The following PRMT3 variants were observed in gnomAD, a reference collection of about 807,000 sequenced individuals.
PRMT3 encodes the protein protein arginine methyltransferase 3.
Under a neutral mutation model 71.9 loss-of-function variants are expected in PRMT3, and 62 were observed. The observed-to-expected ratio is 0.86, with a 90% CI of 0.70 to 1.07. The LOEUF is 1.07. PRMT3 is among the 50% of genes least tolerant of loss of function. The pLI is 0.00. For synonymous variants in PRMT3, 213 were observed against 220.4 expected (o/e 0.97, Z 0.30); for missense variants, 663 against 643.0 (o/e 1.03, Z -0.34).
chr11:20,387,782 C>T lies in PRMT3; in HGVS notation c.28+8C>T, dbSNP rs921172251. ...TAGCGTCAGGCGCTACCGGTGGGTA[C>T]CCTGGCCCCTCAGCACCCGGCTCGT... On this transcript the variant is annotated splice_region_variant and intron_variant, in intron 1 of 15. Transcript: ENST00000331079. This position sits in a 1 kb window ranked among gnomAD's most constrained non-coding sequence, Gnocchi z 4.3. The T allele has an allele frequency of 3.9e-6, 6 of 1,541,928 alleles. No homozygotes were observed. The highest frequency in any genetic ancestry group is 5.2e-6 in the Non-Finnish European group (6 of 1,146,286).
At chr11:20,450,474 ATAATAT>A (rs1373749391) in intron 10 of PRMT3, among the ~76,000 whole-genome samples, 3 of 152,194 alleles carry the variant, frequency 2.0e-5, no homozygotes, top group South Asian at 2.1e-4. Flanking sequence ...GAATACATAG[ATAATAT>A]TAATGGGGAA....
At position 20,395,874 on chromosome 11, in the gene PRMT3, G is replaced by A. The variant is rs918711864; in HGVS notation, c.472G>A (p.Val158Ile). 1.2e-6 allele frequency: 2 copies of A among 1,614,128 alleles called. No homozygotes were observed. Among genetic ancestry groups the A allele is most frequent in the African/African-American group, 1.3e-5 (1 of 75,040 alleles). The change falls in exon 6 of 16, where the codon GTT becomes ATT. Residue 158 changes from valine to isoleucine, a missense_variant. Val to Ile is a conservative substitution (Grantham distance 29, BLOSUM62 3). Coordinates refer to ENST00000331079, the MANE Select transcript of PRMT3 (RefSeq NM_005788.4). ...CAATGGACTCAGTGAAAATACATCT[G>A]TTGTTGAAAAATTGAAACATATGGA... ...YPNGLSENTS[V>I]VEKLKHMEAR...
At chr11:20,426,595 G>A (rs1247264932) in intron 9 of PRMT3, among the ~76,000 whole-genome samples, 171 bp from the exon 10 acceptor site, 2 of 152,198 alleles carry the variant, frequency 1.3e-5, no homozygotes, top group East Asian at 1.9e-4. Flanking sequence ...ACATCTTTGG[G>A]CATGCATGGA....
chr11:20,502,825 A>G (rs1851489689), intron 15 of PRMT3, among the ~76,000 whole-genome samples: 1 of 152,014 alleles, frequency 6.6e-6, no homozygotes, highest in Admixed American at 6.5e-5. Flanking sequence ...TACTAGCAAT[A>G]CCTCATATGC....
intron 9 of PRMT3, among the ~76,000 whole-genome samples, chr11:20,414,695 AG>A (rs1849264020): frequency 6.6e-6 from 1 of 152,152 alleles, no homozygotes; most frequent in Non-Finnish European, 1.5e-5. Context: ...AAGAGTTTTT[AG>A]GAGAAGGTTG....
intron 10 of PRMT3, among the ~76,000 whole-genome samples, chr11:20,442,733 A>G (rs753414505): frequency 1.1e-4 from 16 of 152,218 alleles, no homozygotes; most frequent in Admixed American, 4.6e-4. Flanking sequence ...TTTCAAATAT[A>G]AGGTTTTTAT....
intron 10 of PRMT3, among the ~76,000 whole-genome samples, chr11:20,436,856 C>T (rs1590063000): frequency 1.3e-5 from 2 of 151,918 alleles, no homozygotes; most frequent in African/African-American, 4.8e-5. Flanking sequence ...TGAGAGTAAT[C>T]GGTGTTAGTT....
At chr11:20,444,210 C>T (rs1849972525) in intron 10 of PRMT3, among the ~76,000 whole-genome samples, 6 of 151,734 alleles carry the variant, frequency 4.0e-5, no homozygotes, top group Admixed American at 3.9e-4. Context: ...CCCCTGGTCC[C>T]CAAAAAAATG....
At chr11:20,456,382 T>C (rs1850267988) in intron 11 of PRMT3, among the ~76,000 whole-genome samples, 1 of 152,224 alleles carries the variant, frequency 6.6e-6, no homozygotes, top group Middle Eastern at 3.2e-3. Flanking sequence ...ATGTCTATGA[T>C]TTATTTCTAA....
intron 11 of PRMT3, among the ~76,000 whole-genome samples, chr11:20,457,303 G>T (rs760567406): frequency 1.1e-4 from 16 of 152,010 alleles, no homozygotes; most frequent in Non-Finnish European, 2.1e-4. Context: ...AGGAACCTGG[G>T]GTTCCTCTTT....
At chr11:20,413,919 C>G (rs1315641846) in intron 9 of PRMT3, among the ~76,000 whole-genome samples, 1 of 152,062 alleles carries the variant, frequency 6.6e-6, no homozygotes, top group East Asian at 1.9e-4. Context: ...TTTTCTCGGT[C>G]AGAAGTCTAT....
chr11:20,437,455 G>C (rs1267561801), intron 10 of PRMT3, among the ~76,000 whole-genome samples: 2 of 152,164 alleles, frequency 1.3e-5, no homozygotes, highest in South Asian at 4.1e-4. Context: ...ATGGTGTGGT[G>C]AGTATGTTTC....
In PRMT3 at chr11:20,508,457, G is replaced by A. The variant is rs200448599; in HGVS notation, c.*44G>A. On this transcript the variant is annotated 3_prime_UTR_variant, in exon 16 of 16. Transcript: ENST00000331079. ...CTACCTTGTAGTTTTTAATGTGGGGGTAGAGTGGGTCAGCAGGAGGGAGCT... is the reference window on the plus strand; with the variant it reads ...CTACCTTGTAGTTTTTAATGTGGGGATAGAGTGGGTCAGCAGGAGGGAGCT... 28 of 1,379,660 alleles carry A rather than the reference G, an allele frequency of 2.0e-5. No homozygotes were observed. Among genetic ancestry groups the A allele is most frequent in the Non-Finnish European group, 2.9e-5 (28 of 966,866 alleles). The allele number at this position is 1,379,660 out of a possible 1,614,324, so 85.5% of individuals were successfully genotyped here.
chr11:20,419,235 T>C (rs1321493789), intron 9 of PRMT3, among the ~76,000 whole-genome samples: 3 of 152,238 alleles, frequency 2.0e-5, no homozygotes, highest in African/African-American at 7.2e-5. Context: ...ATTTTAATTT[T>C]TGTTTCTTTG....
chr11:20,459,702 G>A (rs1004437435), intron 11 of PRMT3, among the ~76,000 whole-genome samples: 20 of 152,158 alleles, frequency 1.3e-4, no homozygotes, highest in Non-Finnish European at 2.9e-5. Context: ...TCCAACAAAG[G>A]ATGTATCAGA....
intron 9 of PRMT3, 78 bp downstream of exon 9, chr11:20,408,110 G>T (rs575086489): frequency 1.1e-4 from 107 of 1,012,282 alleles, no homozygotes; most frequent in Non-Finnish European, 1.4e-4. Flanking sequence ...GTCTTTAGTA[G>T]CTATCTAAGG....
chr11:20,394,167 G>T lies in PRMT3; in HGVS notation c.400+1168G>T, dbSNP rs149948896. 7.2e-5 allele frequency among the ~76,000 whole-genome samples: 11 copies of T among 152,304 alleles called. No homozygotes were observed. In the East Asian group the frequency reaches 1.9e-3, roughly 27 times the overall value. ...TTTTTACGAAGTCACATTTCTTCCAGTGCTATCCTGAGGGGAAAATGTAAT... is the reference window on the plus strand; with the variant it reads ...TTTTTACGAAGTCACATTTCTTCCATTGCTATCCTGAGGGGAAAATGTAAT... On this transcript the variant is annotated intron_variant, in intron 5 of 15. Coordinates refer to ENST00000331079, the MANE Select transcript of PRMT3 (RefSeq NM_005788.4).
At chr11:20,430,161 T>C (rs1216325982) in intron 10 of PRMT3, among the ~76,000 whole-genome samples, 1 of 152,192 alleles carries the variant, frequency 6.6e-6, no homozygotes, top group Non-Finnish European at 1.5e-5. Context: ...TTTTATTTTT[T>C]ACATACAACA....
chr11:20,438,071 C>G (rs1343495812), intron 10 of PRMT3, among the ~76,000 whole-genome samples: 1 of 152,126 alleles, frequency 6.6e-6, no homozygotes, highest in Non-Finnish European at 1.5e-5. Flanking sequence ...TCCCATGAAC[C>G]TTTTGTGTTA....
Sources: allele counts gnomAD v4.1 joint callset (sites outside exome capture counted in the v4.1 genomes callset), GRCh38; gene constraint gnomAD v4.1.1; non-coding constraint Gnocchi (gnomAD v3.1); transcripts MANE v1.5; gene names NCBI Gene and HGNC (gene_info 2026-07-23, HGNC 2026-07-21).